The following RSRC1 variants were observed in gnomAD, a reference collection of about 807,000 sequenced individuals.
RSRC1 encodes the protein arginine and serine rich coiled-coil 1.
A neutral mutation model predicts 49.1 loss-of-function variants in RSRC1; 39 were observed. The observed-to-expected ratio is 0.79, with a 90% CI of 0.61 to 1.04. The LOEUF is 1.04. Among genes scored for constraint, RSRC1 ranks in the 50% least tolerant of loss-of-function variants. RSRC1 has a pLI of 0.00. For synonymous variants in RSRC1, 143 were observed against 130.8 expected (o/e 1.09, Z -0.63); for missense variants, 388 against 402.4 (o/e 0.96, Z 0.31).
At chr3:158,416,064 A>G (rs1734721772) in intron 6 of RSRC1, among the ~76,000 whole-genome samples, 1 of 151,816 alleles carries the variant, frequency 6.6e-6, no homozygotes, top group Admixed American at 6.6e-5. Flanking sequence ...TACCTATTTT[A>G]TTTGTGCTCT....
chr3:158,217,028 C>A (rs1269619822), intron 4 of RSRC1, among the ~76,000 whole-genome samples: 2 of 151,666 alleles, frequency 1.3e-5, no homozygotes, highest in Non-Finnish European at 2.9e-5. Flanking sequence ...AGAACTTCAG[C>A]TATATCTATA....
chr3:158,450,052 G>A (rs1257046047), intron 6 of RSRC1, among the ~76,000 whole-genome samples: 1 of 151,916 alleles, frequency 6.6e-6, no homozygotes, highest in African/African-American at 2.4e-5. Flanking sequence ...ATTGCTTTCA[G>A]AATACCTGTA....
chr3:158,144,400 T>C (rs1352749268), intron 3 of RSRC1, among the ~76,000 whole-genome samples: 2 of 152,110 alleles, frequency 1.3e-5, no homozygotes, highest in African/African-American at 4.8e-5. Flanking sequence ...TTTTTTGTCC[T>C]TGCGATAGTT....
chr3:158,150,549 A>G (rs1717458744), intron 3 of RSRC1, among the ~76,000 whole-genome samples: 1 of 152,100 alleles, frequency 6.6e-6, no homozygotes, highest in African/African-American at 2.4e-5. Flanking sequence ...TTTCCATTTC[A>G]CACAATATTT....
At chr3:158,317,988 C>T (rs1473258515) in intron 5 of RSRC1, among the ~76,000 whole-genome samples, 2 of 152,068 alleles carry the variant, frequency 1.3e-5, no homozygotes, top group Non-Finnish European at 2.9e-5. Flanking sequence ...AACACTAACT[C>T]ATAAACTTTC....
intron 4 of RSRC1, among the ~76,000 whole-genome samples, chr3:158,218,497 T>C (rs1210555243): frequency 1.3e-5 from 2 of 151,692 alleles, no homozygotes; most frequent in Non-Finnish European, 2.9e-5. Flanking sequence ...GTGAGACTTT[T>C]TACTGAGCAA....
chr3:158,488,943 G>C (rs1444192072), intron 7 of RSRC1, among the ~76,000 whole-genome samples: 2 of 152,294 alleles, frequency 1.3e-5, no homozygotes, highest in Non-Finnish European at 1.5e-5. Context: ...ATGCTCTCAG[G>C]TTTATTACTG....
intron 7 of RSRC1, among the ~76,000 whole-genome samples, chr3:158,518,042 A>G (rs990394248): frequency 6.2e-5 from 9 of 146,216 alleles, no homozygotes; most frequent in East Asian, 2.0e-4. Context: ...ATTTTTATAC[A>G]ATTTGATTTC....
intron 7 of RSRC1, among the ~76,000 whole-genome samples, chr3:158,473,085 C>G (rs1224133284): frequency 6.6e-6 from 1 of 152,064 alleles, no homozygotes; most frequent in African/African-American, 2.4e-5. Context: ...ACTAGTTCAA[C>G]CATTGTGAAA....
intron 4 of RSRC1, among the ~76,000 whole-genome samples, chr3:158,294,077 A>T (rs1727094471): frequency 6.6e-6 from 1 of 152,078 alleles, no homozygotes; most frequent in South Asian, 2.1e-4. Flanking sequence ...ATATCTGGGA[A>T]ATCTCTGTCA....
chr3:158,206,581 G>A (rs1450845382), intron 4 of RSRC1, among the ~76,000 whole-genome samples: 1 of 152,056 alleles, frequency 6.6e-6, no homozygotes, highest in African/African-American at 2.4e-5. Context: ...GGGTCTACAT[G>A]GGGTATGAAC....
At chr3:158,168,742 T>C (rs1287898533) in intron 3 of RSRC1, among the ~76,000 whole-genome samples, 2 of 152,216 alleles carry the variant, frequency 1.3e-5, no homozygotes, top group Admixed American at 6.5e-5. Context: ...GTTTCTTGGC[T>C]GTAGAACTAG....
At chr3:158,372,718 A>C (rs1732147700) in intron 6 of RSRC1, among the ~76,000 whole-genome samples, 1 of 151,946 alleles carries the variant, frequency 6.6e-6, no homozygotes, top group African/African-American at 2.4e-5. Flanking sequence ...ACTCAGATTA[A>C]AATTTTTTTA....
chr3:158,133,028 G>T (rs1380395111), intron 3 of RSRC1, among the ~76,000 whole-genome samples: 2 of 152,142 alleles, frequency 1.3e-5, no homozygotes, highest in African/African-American at 4.8e-5. Context: ...AGTAAGAAGA[G>T]AATTTCTTTA....
At chr3:158,430,386 G>T (rs946484382) in intron 6 of RSRC1, among the ~76,000 whole-genome samples, 1 of 151,834 alleles carries the variant, frequency 6.6e-6, no homozygotes, top group Admixed American at 6.6e-5. Flanking sequence ...TGATCTGCCA[G>T]TTTTGCCTTA....
At chr3:158,317,604 G>C (rs1268588886) in intron 5 of RSRC1, among the ~76,000 whole-genome samples, 11 of 151,806 alleles carry the variant, frequency 7.2e-5, no homozygotes. Context: ...TGTCACCCAT[G>C]CAGGAGTTCA....
intron 7 of RSRC1, among the ~76,000 whole-genome samples, chr3:158,521,859 T>G (rs746611905): frequency 2.0e-5 from 3 of 152,112 alleles, no homozygotes; most frequent in Non-Finnish European, 4.4e-5. Context: ...GTTAATTCCT[T>G]TATTTATTTG....
chr3:158,516,872 G>C (rs1740579384), intron 7 of RSRC1, among the ~76,000 whole-genome samples: 1 of 152,226 alleles, frequency 6.6e-6, no homozygotes, highest in South Asian at 2.1e-4. Flanking sequence ...GGTGCCGTCT[G>C]TCACCCCTTT....
chr3:158,171,359 G>A (rs1010094887), intron 3 of RSRC1, among the ~76,000 whole-genome samples: 3 of 152,074 alleles, frequency 2.0e-5, no homozygotes, highest in African/African-American at 7.2e-5. Flanking sequence ...CAAATAAGCA[G>A]GAAAATGTGA....
Sources: allele counts gnomAD v4.1 joint callset (sites outside exome capture counted in the v4.1 genomes callset), GRCh38; gene constraint gnomAD v4.1.1; transcripts MANE v1.5; gene names NCBI Gene and HGNC (gene_info 2026-07-23, HGNC 2026-07-21).